Variants in TENM1 observed in about 807,000 individuals in gnomAD.
TENM1 encodes the protein teneurin transmembrane protein 1.
Under a neutral mutation model 174.8 loss-of-function variants are expected in TENM1, and 35 were observed. The observed-to-expected ratio is 0.20, with a 90% CI of 0.15 to 0.27. TENM1 has a LOEUF of 0.27. Ranked by LOEUF, TENM1 falls within the 10% of genes least tolerant of loss-of-function variation. The pLI is 1.00. For missense variants in TENM1, 1,633 were observed against 2,130.1 expected (o/e 0.77, Z 4.59); for synonymous variants, 781 against 798.7 (o/e 0.98, Z 0.37).
chrX:124,784,130 A>C (rs2093110953), intron 3 of TENM1, among the ~76,000 whole-genome samples: 1 of 112,561 alleles, frequency 8.9e-6, no homozygotes, highest in African/African-American at 3.2e-5. Context: ...TCCACAAAAT[A>C]ACAATCACAA....
At chrX:124,756,100 A>G (rs1365573843) in intron 3 of TENM1, among the ~76,000 whole-genome samples, 1 of 104,669 alleles carries the variant, frequency 9.6e-6, no homozygotes, top group Non-Finnish European at 1.9e-5. Context: ...ACTTGGTTCC[A>G]TTCTCCCCGT....
At chrX:124,871,814 A>G (rs1225747372) in intron 3 of TENM1, among the ~76,000 whole-genome samples, 1 of 110,425 alleles carries the variant, frequency 9.1e-6, no homozygotes, top group African/African-American at 3.3e-5. Context: ...CAGGCGAATC[A>G]TGATGTCAGG....
At chrX:124,622,786 T>C (rs1323266150) in intron 11 of TENM1, among the ~76,000 whole-genome samples, 1 of 111,935 alleles carries the variant, frequency 8.9e-6, no homozygotes, top group Non-Finnish European at 1.9e-5. Flanking sequence ...AAAAAATGCA[T>C]CATTCTAATG....
intron 11 of TENM1, among the ~76,000 whole-genome samples, chrX:124,570,690 A>C (rs1244111670): frequency 8.9e-6 from 1 of 112,027 alleles, no homozygotes; most frequent in Non-Finnish European, 1.9e-5. Flanking sequence ...GCAAACTAAG[A>C]CTAAAAGGAA....
chrX:124,388,853 A>T lies in TENM1; in HGVS notation c.5689-2789T>A, dbSNP rs746908008. ...GCCTCTGAAAGTGTCAGCCCCAAAG[A>T]GGCAATTGCTGTAAATGTATAAGGC... On this transcript the variant is annotated intron_variant, in intron 28 of 31. Coordinates refer to ENST00000422452, the Ensembl canonical transcript of TENM1. Among the ~76,000 whole-genome samples, 105 of 112,534 alleles carry T rather than the reference A, an allele frequency of 9.3e-4. 1 individual carries two copies. Among genetic ancestry groups the T allele is most frequent in the African/African-American group, 3.3e-3 (101 of 31,028 alleles).
At chrX:124,454,954 C>T (rs973635701) in intron 22 of TENM1, among the ~76,000 whole-genome samples, 3 of 111,962 alleles carry the variant, frequency 2.7e-5, no homozygotes, top group African/African-American at 9.7e-5. Context: ...CACAACACAA[C>T]ACACAAACAC....
rs759734570 is a variant in TENM1, at chrX:124,878,437, T to C, written c.535+15859A>G. On this transcript the variant is annotated intron_variant, in intron 3 of 31. Transcript: ENST00000422452. Reference sequence around the variant, plus strand: ...ATGTGATCCCCAGTGTTGGAGGTGGTGCCTATAGGGAGGTATTTGGGTTAT... The same window carrying C: ...ATGTGATCCCCAGTGTTGGAGGTGGCGCCTATAGGGAGGTATTTGGGTTAT... Among the ~76,000 whole-genome samples, 7 of 109,615 alleles carry C rather than the reference T, an allele frequency of 6.4e-5. No individual in the cohort carries two copies. In the South Asian group the frequency reaches 2.9e-3, roughly 46 times the overall value.
chrX:124,635,156 C>A (rs546774379), intron 11 of TENM1, among the ~76,000 whole-genome samples: 118 of 111,556 alleles, frequency 1.1e-3, no homozygotes, highest in Non-Finnish European at 1.7e-3. Flanking sequence ...AATCATAGAT[C>A]TCAGTGTTGG....
chrX:124,476,216 C>T (rs948262209), intron 22 of TENM1, among the ~76,000 whole-genome samples: 2 of 111,896 alleles, frequency 1.8e-5, no homozygotes, highest in Non-Finnish European at 3.8e-5. Context: ...ATAGCCTTAG[C>T]ATCTTTCCAT....
At chrX:125,052,463 C>T in the TENM1 span, among the ~76,000 whole-genome samples, 112 of 111,418 alleles carry the variant, frequency 1.0e-3, 1 homozygote, top group East Asian at 0.031. Flanking sequence ...TGATTTTAAT[C>T]GAAGACACTT....
At chrX:124,549,913 T>G (rs1279727075) in intron 14 of TENM1, among the ~76,000 whole-genome samples, 3 of 110,668 alleles carry the variant, frequency 2.7e-5, no homozygotes, top group South Asian at 3.8e-4. Flanking sequence ...TAACAGTTTT[T>G]TTTTTTTTTT....
the TENM1 span, among the ~76,000 whole-genome samples, chrX:125,064,774 A>T: frequency 9.1e-6 from 1 of 110,074 alleles, no homozygotes; most frequent in Admixed American, 9.7e-5. Context: ...GCCTGGCTAA[A>T]TTTTTTGTAA....
intron 3 of TENM1, among the ~76,000 whole-genome samples, chrX:124,837,377 C>T (rs771341803): frequency 8.9e-6 from 1 of 112,365 alleles, no homozygotes; most frequent in South Asian, 3.7e-4. Flanking sequence ...GTGTGAGCTA[C>T]GACGCCCAGC....
At chrX:124,931,323 T>C (rs1384745722) in intron 1 of TENM1, among the ~76,000 whole-genome samples, 3 of 107,490 alleles carry the variant, frequency 2.8e-5, no homozygotes, top group Non-Finnish European at 5.8e-5. Context: ...GGAGGGAGGG[T>C]TGACAGCCAA....
At chrX:124,760,196 GT>G (rs936297990) in intron 3 of TENM1, among the ~76,000 whole-genome samples, 1 of 111,048 alleles carries the variant, frequency 9.0e-6, no homozygotes, top group South Asian at 3.8e-4. Context: ...ACTTTGCTGA[GT>G]TTTTTTTCCT....
intron 5 of TENM1, among the ~76,000 whole-genome samples, chrX:124,703,552 C>G (rs193221168): frequency 4.5e-5 from 5 of 111,897 alleles, no homozygotes; most frequent in African/African-American, 1.3e-4. Flanking sequence ...AAAACATTAT[C>G]TCTCTATATA....
chrX:125,082,031 T>TCCCCTCTG, the TENM1 span, among the ~76,000 whole-genome samples: 1 of 110,800 alleles, frequency 9.0e-6, no homozygotes, highest in Non-Finnish European at 1.9e-5. Context: ...GAGAAATTAC[T>TCCCCTCTG]TAATGGGTAC....
chrX:124,733,271 A>C (rs2053603967), intron 4 of TENM1, among the ~76,000 whole-genome samples: 1 of 112,404 alleles, frequency 8.9e-6, no homozygotes, highest in Non-Finnish European at 1.9e-5. Flanking sequence ...GGGCAGAGTT[A>C]AGAAGGGATA....
the TENM1 span, among the ~76,000 whole-genome samples, chrX:124,970,200 G>A: frequency 1.5e-3 from 167 of 111,478 alleles, 1 homozygote; most frequent in African/African-American, 5.3e-3. Context: ...CCTCAAAATG[G>A]GAACCTGTTT....
Sources: allele counts gnomAD v4.1 joint callset (sites outside exome capture counted in the v4.1 genomes callset), GRCh38; gene constraint gnomAD v4.1.1; transcripts MANE v1.5; gene names NCBI Gene and HGNC (gene_info 2026-07-23, HGNC 2026-07-21).